PACRGL: variants seen among roughly 807,000 people sequenced by gnomAD.
The protein encoded by PACRGL is PACRG-like protein.
PACRGL carries 38 observed loss-of-function variants against 34.5 expected under a neutral mutation model. That is an observed-to-expected ratio of 1.10 (90% CI 0.85 to 1.44). The LOEUF is 1.44. PACRGL is among the 40% of genes most tolerant of loss of function. The probability of loss-of-function intolerance (pLI) is 0.00; values close to 1 mark genes in which losing one functional copy is unlikely to be tolerated. For missense variants in PACRGL, 305 were observed against 281.4 expected, an observed-to-expected ratio of 1.08 and a Z score of -0.60; for synonymous variants, 128 against 100.1, an observed-to-expected ratio of 1.28 and a Z score of -1.66.
In PACRGL at chr4:20,749,155, C is replaced by CTCA. The variant is rs751106874; in HGVS notation, c.*57-3410_*57-3409insTCA. Among the ~76,000 whole-genome samples the CTCA allele has an allele frequency of 7.8e-5, 10 of 129,008 alleles. 1 individual carries two copies. The highest frequency in any genetic ancestry group is 2.2e-4 in the African/African-American group (8 of 36,416). The allele number at this position is 129,008 out of a possible 152,430, so 84.6% of individuals were successfully genotyped here. A position where few individuals can be genotyped will look rare whatever the true frequency, so the allele number is the denominator to read the frequency against. On this transcript the variant is annotated intron_variant, in intron 8 of 8. Coordinates refer to the PACRGL transcript ENST00000507634. ...CCTTTATGACAGAGCGAGACTCTTT[C>CTCA]AAAAAAAAAAAAAAAAATACGTTCT...
downstream of PACRGL, among the ~76,000 whole-genome samples, chr4:20,735,862 G>T (rs1578432423): frequency 6.6e-6 from 1 of 152,238 alleles, no homozygotes; most frequent in Admixed American, 6.5e-5. Flanking sequence ...GTACAGCAGG[G>T]TTAACGTTAC....
intron 3 of PACRGL, 60 bp downstream of exon 3, chr4:20,704,874 A>G (rs1362916310): frequency 6.4e-7 from 1 of 1,553,340 alleles, no homozygotes; most frequent in Non-Finnish European, 8.9e-7. Flanking sequence ...CACAGTATTG[A>G]ACAATGCTGG....
At chr4:20,756,646 C>T (rs115014052), downstream of PACRGL, among the ~76,000 whole-genome samples, 3,380 of 151,800 alleles carry the variant, frequency 0.022, 132 homozygotes, top group African/African-American at 0.077. Flanking sequence ...TCTGCTTGTG[C>T]GCTCCACTCC....
At chr4:20,735,282 T>C (rs1749311788), downstream of PACRGL, among the ~76,000 whole-genome samples, 1 of 152,172 alleles carries the variant, frequency 6.6e-6, no homozygotes, top group South Asian at 2.1e-4. Flanking sequence ...GATGGCTTTG[T>C]GTCTTCAGGC....
At chr4:20,698,012 T>C (rs929560891), upstream of PACRGL, among the ~76,000 whole-genome samples, 7 of 152,182 alleles carry the variant, frequency 4.6e-5, no homozygotes, top group African/African-American at 1.4e-4. Flanking sequence ...TCTTCACTTA[T>C]GGGTATGACC....
chr4:20,737,017 A>G (rs1278952651), downstream of PACRGL, among the ~76,000 whole-genome samples: 2 of 152,170 alleles, frequency 1.3e-5, no homozygotes, highest in East Asian at 3.9e-4. Context: ...TGGCCAATTG[A>G]TTTTCGATAA....
chr4:20,766,183 G>GA, the PACRGL span, among the ~76,000 whole-genome samples: 1 of 152,214 alleles, frequency 6.6e-6, no homozygotes, highest in Non-Finnish European at 1.5e-5. Context: ...ACAAATGAAT[G>GA]AACTGTCTTA....
At chr4:20,713,400 T>A (rs973147487) in intron 6 of PACRGL, 32 bp from the exon 7 acceptor site, 1 of 1,526,514 alleles carries the variant, frequency 6.6e-7, no homozygotes, top group Non-Finnish European at 9.1e-7. Flanking sequence ...TTCCCTGATG[T>A]CCATACATCC....
intron 7 of PACRGL, 93 bp downstream of exon 7, chr4:20,713,632 A>T: frequency 9.8e-7 from 1 of 1,016,018 alleles, no homozygotes; most frequent in South Asian, 1.5e-5. Flanking sequence ...TCTTCAACTC[A>T]AAACCTTAAA....
Position 20,728,291 on chromosome 4 carries a change from T to C in PACRGL, c.*950T>C, listed in dbSNP as rs916754466. ...GTAAATGTGTTATTTTTGCATTTCA[T>C]AGCCAGAAAATACTGATGTTCACTT... On this transcript the variant is annotated 3_prime_UTR_variant, in exon 9 of 9. Transcript: ENST00000503585. 1 of 152,238 alleles carries C rather than the reference T, an allele frequency of 6.6e-6. No individual in the cohort carries two copies. The highest frequency in any genetic ancestry group is 2.4e-5 in the African/African-American group (1 of 41,464). The allele number at this position is 152,238 out of a possible 1,614,324, so 9.4% of individuals were successfully genotyped here.
rs1177844370 is a variant in PACRGL at position 20,730,229 on chromosome 4, A to G, written c.*2888A>G. The G allele has an allele frequency of 2.9e-6, 4 of 1,389,060 alleles. No homozygotes were observed. In the East Asian group the frequency reaches 1.0e-4, roughly 35 times the overall value. 86.0% of individuals were successfully genotyped at this position (1,389,060 alleles called of 1,614,324 possible). A position where few individuals can be genotyped will look rare whatever the true frequency, so the allele number is the denominator to read the frequency against. ...TTGCCTCCTCCCATCAACCACCTCAACCACCTATGCCAAAAGCTCAAATAT... is the reference window on the plus strand; with the variant it reads ...TTGCCTCCTCCCATCAACCACCTCAGCCACCTATGCCAAAAGCTCAAATAT... On this transcript the variant is annotated 3_prime_UTR_variant, in exon 9 of 9. Coordinates refer to ENST00000503585, the MANE Select transcript of PACRGL (RefSeq NM_001258345.3).
Position 20,730,214 on chromosome 4 carries a change from C to CCATCAACCACCTCAACCACCTAT in PACRGL, c.*2874_*2896dup, listed in dbSNP as rs1747670690. The CCATCAACCACCTCAACCACCTAT allele has an allele frequency of 1.5e-5, 22 of 1,452,562 alleles. No homozygotes were observed. The highest frequency in any genetic ancestry group is 1.7e-5 in the Non-Finnish European group (18 of 1,088,352). The allele number at this position is 1,452,562 out of a possible 1,614,324, so 90.0% of individuals were successfully genotyped here. A position where few individuals can be genotyped will look rare whatever the true frequency, so the allele number is the denominator to read the frequency against. ...TTTTGCCCCTGAGTATTGCCTCCTC[C>CCATCAACCACCTCAACCACCTAT]CATCAACCACCTCAACCACCTATGC... On this transcript the variant is annotated 3_prime_UTR_variant, in exon 9 of 9. Coordinates refer to ENST00000503585, the MANE Select transcript of PACRGL (RefSeq NM_001258345.3).
At chr4:20,739,983 A>G (rs940430415) in intron 8 of PACRGL, among the ~76,000 whole-genome samples, 40 of 152,180 alleles carry the variant, frequency 2.6e-4, no homozygotes, top group African/African-American at 9.7e-4. Context: ...CAAGTGGAAG[A>G]AAGGGTATCA....
chr4:20,735,147 A>G (rs541770847), downstream of PACRGL, among the ~76,000 whole-genome samples: 1 of 152,356 alleles, frequency 6.6e-6, no homozygotes, highest in Admixed American at 6.5e-5. Context: ...GTGGCTGTCC[A>G]TAAAAGATAA....
At chr4:20,709,850 C>T in intron 5 of PACRGL, 77 bp downstream of exon 5, 1 of 1,212,702 alleles carries the variant, frequency 8.2e-7, no homozygotes, top group Non-Finnish European at 1.2e-6. Flanking sequence ...TGTAGCTTGT[C>T]AGTAAATTTC....
chr4:20,700,353 C>T (rs1454947372), upstream of PACRGL: 1 of 152,208 alleles, frequency 6.6e-6, no homozygotes, highest in Non-Finnish European at 1.5e-5. Context: ...CAACCCTCTT[C>T]TGGGGCGCCT....
chr4:20,726,357 A>G lies in PACRGL; in HGVS notation c.691-928A>G, dbSNP rs1745628512. Among the ~76,000 whole-genome samples the G allele has an allele frequency of 2.0e-5, 3 of 152,174 alleles. No individual in the cohort carries two copies. The South Asian group carries it at 6.2e-4, about 31-fold the overall frequency. The stretch of plus-strand genomic sequence containing the variant: ...GAATTTTAAAAAAGATTTTGTAGCT[A>G]CAAGGGCTGTTATTATTTATTTTCT... On this transcript the variant is annotated intron_variant, in intron 8 of 8. Transcript: ENST00000503585.
At chr4:20,732,928 C>T (rs1748693233), downstream of PACRGL, 4 of 578,970 alleles carry the variant, frequency 6.9e-6, no homozygotes, top group East Asian at 1.2e-4. Flanking sequence ...TGTTGGTTGT[C>T]CCAAAGGAAA....
the PACRGL span, among the ~76,000 whole-genome samples, chr4:20,764,124 A>G: frequency 6.6e-6 from 1 of 152,118 alleles, no homozygotes; most frequent in African/African-American, 2.4e-5. Context: ...TCTGTATTCT[A>G]TTTTCTAATG....
Sources: allele counts gnomAD v4.1 joint callset (sites outside exome capture counted in the v4.1 genomes callset), GRCh38; gene constraint gnomAD v4.1.1; transcripts MANE v1.5; gene names NCBI Gene and HGNC (gene_info 2026-07-23, HGNC 2026-07-21).